The following CDH23 variants were observed in gnomAD, a reference collection of about 807,000 sequenced individuals.
CDH23 encodes the protein cadherin-23.
Under a neutral mutation model 317.1 loss-of-function variants are expected in CDH23, and 189 were observed. The ratio of observed to expected loss-of-function variants is 0.60; its 90% confidence interval spans 0.53 to 0.67. The LOEUF (loss-of-function observed/expected upper bound fraction) is 0.67, where lower values mean the gene tolerates loss of function less well. Among genes scored for constraint, CDH23 ranks in the 30% least tolerant of loss-of-function variants. The probability of loss-of-function intolerance (pLI) is 0.00; values close to 1 mark genes in which losing one functional copy is unlikely to be tolerated. For missense variants in CDH23, 4,401 were observed against 4,592.4 expected, an observed-to-expected ratio of 0.96 and a Z score of 1.20; for synonymous variants, 1,839 against 1,876.8, an observed-to-expected ratio of 0.98 and a Z score of 0.52.
chr10:71,641,019 C>T (rs1394225255), intron 11 of CDH23, among the ~76,000 whole-genome samples: 1 of 152,188 alleles, frequency 6.6e-6, no homozygotes, highest in Non-Finnish European at 1.5e-5. Flanking sequence ...GTCTGGTCTC[C>T]ATGGTCTAGG....
At chr10:71,525,886 CTCAT>C (rs1325256517) in intron 6 of CDH23, among the ~76,000 whole-genome samples, 1 of 152,182 alleles carries the variant, frequency 6.6e-6, no homozygotes, top group African/African-American at 2.4e-5. Context: ...CAACCCCACC[CTCAT>C]TCATTCATTC....
At chr10:71,486,453 G>T (rs977371931) in intron 3 of CDH23, among the ~76,000 whole-genome samples, 83 of 152,164 alleles carry the variant, frequency 5.5e-4, no homozygotes, top group African/African-American at 1.7e-3. Context: ...TAGAGTGGGG[G>T]CAGGAGGCGG....
chr10:71,402,119 A>G (rs1338067093), intron 1 of CDH23, among the ~76,000 whole-genome samples: 1 of 152,140 alleles, frequency 6.6e-6, no homozygotes, highest in Non-Finnish European at 1.5e-5. Flanking sequence ...CCACAGCTCC[A>G]TATATTTGGG....
At chr10:71,741,995 A>G in intron 38 of CDH23, 74 bp downstream of exon 38, 1 of 1,174,446 alleles carries the variant, frequency 8.5e-7, no homozygotes, top group Non-Finnish European at 1.2e-6. Context: ...GGGGAACAAG[A>G]TGGGTGAGAA....
At chr10:71,515,426 A>G (rs1449427221) in intron 6 of CDH23, among the ~76,000 whole-genome samples, 2 of 150,694 alleles carry the variant, frequency 1.3e-5, no homozygotes, top group African/African-American at 2.5e-5. Context: ...ACACGCACAC[A>G]TACACATTGT....
chr10:71,639,355 G>T (rs1862425099), intron 11 of CDH23, among the ~76,000 whole-genome samples: 1 of 152,252 alleles, frequency 6.6e-6, no homozygotes, highest in Admixed American at 6.5e-5. Context: ...CCCCCTGTGG[G>T]ACAAGGGCAG....
At chr10:71,406,473 A>C (rs1471490748) in intron 1 of CDH23, among the ~76,000 whole-genome samples, 1 of 152,180 alleles carries the variant, frequency 6.6e-6, no homozygotes, top group African/African-American at 2.4e-5. Context: ...CAAGGGTGTC[A>C]GGGTTCCCCC....
At chr10:71,646,042 G>A (rs2132595437) in intron 13 of CDH23, 62 bp downstream of exon 13, 1 of 1,576,354 alleles carries the variant, frequency 6.3e-7, no homozygotes, top group Non-Finnish European at 8.6e-7. Flanking sequence ...GGGAGGCGAG[G>A]GTAGGGTAGA....
At chr10:71,761,466 C>T (rs1840382268) in intron 38 of CDH23, 1 of 1,117,540 alleles carries the variant, frequency 8.9e-7, no homozygotes, top group Non-Finnish European at 1.2e-6. Context: ...CCATCTCACC[C>T]ACACACTCCC....
chr10:71,555,363 C>T (rs1416648218), intron 6 of CDH23, among the ~76,000 whole-genome samples: 1 of 152,324 alleles, frequency 6.6e-6, no homozygotes, highest in Admixed American at 6.5e-5. Context: ...AGCCCTTAGC[C>T]CACTGCTGGG....
intron 27 of CDH23, among the ~76,000 whole-genome samples, chr10:71,711,006 A>G (rs552384626): frequency 1.3e-5 from 2 of 152,284 alleles, no homozygotes; most frequent in South Asian, 4.1e-4. Flanking sequence ...CCTCCCAGGA[A>G]GTTTGCAGTG....
intron 25 of CDH23, among the ~76,000 whole-genome samples, chr10:71,706,171 G>C (rs1474637918): frequency 6.6e-6 from 1 of 152,226 alleles, no homozygotes; most frequent in Non-Finnish European, 1.5e-5. Flanking sequence ...AGGAACCCAA[G>C]TGGGGTGGGG....
chr10:71,774,049 G>GTGCACACA (rs1554871240), intron 38 of CDH23, among the ~76,000 whole-genome samples: 127 of 145,584 alleles, frequency 8.7e-4, no homozygotes, highest in Middle Eastern at 7.0e-3. Flanking sequence ...GCATGCGCGC[G>GTGCACACA]CGCACACACA....
At chr10:71,625,550 G>A (rs917001101) in intron 11 of CDH23, among the ~76,000 whole-genome samples, 7 of 151,922 alleles carry the variant, frequency 4.6e-5, no homozygotes, top group Admixed American at 6.6e-5. Flanking sequence ...ATTTTTATCC[G>A]TCACCCTCAT....
At chr10:71,564,705 G>A (rs572798581) in intron 6 of CDH23, among the ~76,000 whole-genome samples, 153 of 152,358 alleles carry the variant, frequency 1.0e-3, no homozygotes, top group African/African-American at 3.6e-3. Flanking sequence ...TTCATACAGA[G>A]TGGTTTAAGT....
intron 9 of CDH23, among the ~76,000 whole-genome samples, chr10:71,609,512 G>C (rs990314075): frequency 2.0e-5 from 3 of 152,186 alleles, no homozygotes; most frequent in African/African-American, 4.8e-5. Flanking sequence ...TGAAGACCCA[G>C]TCAGTGGCCT....
Position 71,518,361 on chromosome 10 carries a change from C to A in CDH23, c.429+7149C>A, listed in dbSNP as rs545671117. On this transcript the variant is annotated intron_variant, in intron 6 of 69. Coordinates refer to ENST00000224721, the MANE Select transcript of CDH23 (RefSeq NM_022124.6). The stretch of plus-strand genomic sequence containing the variant: ...TGTATTGTTTTGCAATTTGCCATGG[C>A]CTGCTTTTGATTTGCAATAAGTTGC... 1.3e-4 allele frequency among the ~76,000 whole-genome samples: 20 copies of A among 152,274 alleles called. No individual in the cohort carries two copies. In the South Asian group the frequency reaches 3.3e-3, roughly 25 times the overall value.
At chr10:71,429,129 G>A (rs1055231977) in intron 1 of CDH23, among the ~76,000 whole-genome samples, 1 of 152,158 alleles carries the variant, frequency 6.6e-6, no homozygotes, top group Non-Finnish European at 1.5e-5. Flanking sequence ...TGTTTTTGGT[G>A]TCATATCCAT....
Position 71,784,349 on chromosome 10 carries a change from C to A in CDH23, c.5431C>A (p.Arg1811=). 6.2e-7 allele frequency: 1 copy of A among 1,613,912 alleles called. No homozygotes were observed. The highest frequency in any genetic ancestry group is 8.5e-7 in the Non-Finnish European group (1 of 1,179,838). ...GGTCCGGAAGGACGTGGAGCTGGAC[C>A]GGGAGACCATCGCCTTCTACAACCT... ...LRVRKDVELD[R]ETIAFYNLTI... The change falls in exon 42 of 70, where the codon CGG becomes AGG. Residue 1811 remains arginine, a synonymous_variant. Coordinates refer to ENST00000224721, the MANE Select transcript of CDH23 (RefSeq NM_022124.6).
Sources: gnomAD v4.1 joint callset for allele counts (sites outside exome capture counted in the v4.1 genomes callset) on GRCh38, gnomAD v4.1.1 for gene constraint, MANE v1.5 for transcripts, NCBI Gene and HGNC (gene_info 2026-07-23, HGNC 2026-07-21) for gene names.